Variants in LRCH2 observed in about 807,000 individuals in gnomAD.
LRCH2 encodes the protein leucine-rich repeat and calponin homology domain-containing protein 2.
A neutral mutation model predicts 68.9 loss-of-function variants in LRCH2; 38 were observed. The observed-to-expected ratio is 0.55, with a 90% confidence interval of 0.43 to 0.72. LRCH2 has a LOEUF of 0.72. Among genes scored for constraint, LRCH2 ranks in the 30% least tolerant of loss-of-function variants. LRCH2 has a pLI of 0.00. For missense variants in LRCH2, 528 were observed against 572.9 expected (o/e 0.92, Z 0.80); for synonymous variants, 191 against 208.1 (o/e 0.92, Z 0.71).
At chrX:115,142,678 T>C (rs2072349293) in intron 14 of LRCH2, among the ~76,000 whole-genome samples, 1 of 111,519 alleles carries the variant, frequency 9.0e-6, no homozygotes, top group Non-Finnish European at 1.9e-5. Flanking sequence ...GCAAAAACAG[T>C]ATTAACAGGA....
intron 1 of LRCH2, among the ~76,000 whole-genome samples, chrX:115,220,708 A>G (rs782736425): frequency 8.9e-6 from 1 of 111,796 alleles, no homozygotes; most frequent in Admixed American, 9.5e-5. Flanking sequence ...GTGATTTTCA[A>G]AATAGAATTT....
intron 1 of LRCH2, among the ~76,000 whole-genome samples, chrX:115,213,357 A>T (rs190492666): frequency 9.0e-6 from 1 of 111,716 alleles, no homozygotes; most frequent in Non-Finnish European, 1.9e-5. Context: ...GTCGTCCTGC[A>T]TTTCCAGAGT....
chrX:115,190,457 C>T (rs1296418650), intron 1 of LRCH2: 1 of 1,166,112 alleles, frequency 8.6e-7, no homozygotes, highest in Non-Finnish European at 1.1e-6. Flanking sequence ...TCGCCCGATG[C>T]CTGCAGTGAA....
chrX:115,174,618 C>CTA (rs2072633301), intron 5 of LRCH2, among the ~76,000 whole-genome samples: 1 of 101,044 alleles, frequency 9.9e-6, no homozygotes, highest in Non-Finnish European at 2.0e-5. Flanking sequence ...CACACACACA[C>CTA]TATATTTTCT....
intron 3 of LRCH2, among the ~76,000 whole-genome samples, chrX:115,183,179 T>C (rs1355754308): frequency 9.0e-6 from 1 of 111,169 alleles, no homozygotes; most frequent in Non-Finnish European, 1.9e-5. Flanking sequence ...AGATCTTTTA[T>C]AACTTCAAAA....
At chrX:115,154,605 T>G (rs1320444688) in intron 12 of LRCH2, among the ~76,000 whole-genome samples, 4 of 111,360 alleles carry the variant, frequency 3.6e-5, no homozygotes, top group Non-Finnish European at 7.5e-5. Context: ...AATAAAAACT[T>G]GAAATAATAC....
At chrX:115,151,274 C>A (rs1197695588) in intron 12 of LRCH2, among the ~76,000 whole-genome samples, 1 of 110,394 alleles carries the variant, frequency 9.1e-6, no homozygotes, top group Admixed American at 9.7e-5. Flanking sequence ...TACAGGACCA[C>A]GAGTATAATA....
At chrX:115,188,928 A>T (rs1324639243) in intron 1 of LRCH2, among the ~76,000 whole-genome samples, 1 of 112,454 alleles carries the variant, frequency 8.9e-6, no homozygotes, top group African/African-American at 3.2e-5. Context: ...TTTGTCTTTT[A>T]AAATACCAAC....
intron 1 of LRCH2, among the ~76,000 whole-genome samples, chrX:115,232,001 C>T (rs2073155710): frequency 9.0e-6 from 1 of 111,084 alleles, no homozygotes; most frequent in Non-Finnish European, 1.9e-5. Flanking sequence ...ATTAAATAGA[C>T]GGAGAAAAGA....
intron 14 of LRCH2, among the ~76,000 whole-genome samples, chrX:115,131,866 G>T (rs782101739): frequency 9.0e-6 from 1 of 111,727 alleles, no homozygotes; most frequent in African/African-American, 3.2e-5. Flanking sequence ...GTGATGATGA[G>T]CATTTTTTCA....
At chrX:115,146,180 C>T (rs372474088) in intron 14 of LRCH2, among the ~76,000 whole-genome samples, 11 of 111,171 alleles carry the variant, frequency 9.9e-5, no homozygotes, top group African/African-American at 3.6e-4. Flanking sequence ...ATAAGCCAGG[C>T]ACAGAAAGAC....
chrX:115,151,276 A>T (rs2072429766), intron 12 of LRCH2, among the ~76,000 whole-genome samples: 1 of 111,098 alleles, frequency 9.0e-6, no homozygotes, highest in African/African-American at 3.3e-5. Context: ...CAGGACCACG[A>T]GTATAATAAC....
intron 1 of LRCH2, among the ~76,000 whole-genome samples, chrX:115,194,498 C>T (rs1461295656): frequency 1.8e-5 from 2 of 111,577 alleles, no homozygotes; most frequent in Non-Finnish European, 3.8e-5. Context: ...TTACTGTTTA[C>T]AAGTAATTTG....
chrX:115,192,481 G>T lies in LRCH2; in HGVS notation c.350-4111C>A, dbSNP rs1556561414. 3 of 1,170,922 alleles carry T rather than the reference G, an allele frequency of 2.6e-6. No homozygotes were observed. In the Middle Eastern group the frequency reaches 7.0e-4, roughly 271 times the overall value. ...CGGCCGGAGCGACCGCTACTCGAGGGGTCGAGACCGGGTAGGCAGACCGGA... is the reference window on the plus strand; with the variant it reads ...CGGCCGGAGCGACCGCTACTCGAGGTGTCGAGACCGGGTAGGCAGACCGGA... On this transcript the variant is annotated intron_variant, in intron 1 of 20. Transcript: ENST00000317135.
At chrX:115,144,320 C>A (rs782779499) in intron 14 of LRCH2, among the ~76,000 whole-genome samples, 269 of 111,191 alleles carry the variant, frequency 2.4e-3, no homozygotes, top group African/African-American at 8.1e-3. Context: ...CTCTCAAAAA[C>A]TGGGGTATAG....
intron 1 of LRCH2, among the ~76,000 whole-genome samples, 155 bp downstream of exon 1, chrX:115,233,538 C>T (rs2073166544): frequency 8.9e-6 from 1 of 111,888 alleles, no homozygotes; most frequent in Non-Finnish European, 1.9e-5. Flanking sequence ...TGATTCGCCC[C>T]TCACGTTCAG....
At position 115,111,866 on chromosome X, in the gene LRCH2, G is replaced by A. The variant is rs1457887298; in HGVS notation, c.*1350C>T. 8.9e-6 allele frequency: 1 copy of A among 111,816 alleles called. No individual in the cohort carries two copies. The highest frequency in any genetic ancestry group is 3.2e-5 in the African/African-American group (1 of 30,791). The allele number at this position is 111,816 out of a possible 1,213,427, so 9.2% of individuals were successfully genotyped here. A position where few individuals can be genotyped will look rare whatever the true frequency, so the allele number is the denominator to read the frequency against. On this transcript the variant is annotated 3_prime_UTR_variant, in exon 21 of 21. Coordinates refer to ENST00000317135, the MANE Select transcript of LRCH2 (RefSeq NM_020871.4). ...TAATAAGTTGCATCCATATTAAGAG[G>A]TAACAAGTGCAAATGATCACATACT...
intron 1 of LRCH2, among the ~76,000 whole-genome samples, chrX:115,203,792 G>A (rs1485770634): frequency 8.9e-6 from 1 of 112,357 alleles, no homozygotes; most frequent in Admixed American, 9.4e-5. Context: ...GGTTTCAGGG[G>A]ATGGCATTGA....
intron 20 of LRCH2, among the ~76,000 whole-genome samples, chrX:115,116,251 C>T (rs2072081543): frequency 9.0e-6 from 1 of 111,397 alleles, no homozygotes; most frequent in Non-Finnish European, 1.9e-5. Context: ...AACTTATTCA[C>T]GGATGTTCAA....
Sources: gnomAD v4.1 joint callset for allele counts (sites outside exome capture counted in the v4.1 genomes callset) on GRCh38, gnomAD v4.1.1 for gene constraint, MANE v1.5 for transcripts, NCBI Gene and HGNC (gene_info 2026-07-23, HGNC 2026-07-21) for gene names.